The following KIF4A variants were observed in gnomAD, a reference collection of about 807,000 sequenced individuals.
The protein encoded by KIF4A is kinesin family member 4A.
KIF4A carries 7 observed loss-of-function variants against 105.9 expected under a neutral mutation model. The ratio of observed to expected loss-of-function variants is 0.07; its 90% CI spans 0.04 to 0.12. The LOEUF (loss-of-function observed/expected upper bound fraction) is 0.12. Among genes scored for constraint, KIF4A ranks in the 10% least tolerant of loss-of-function variants. The probability of loss-of-function intolerance (pLI) is 1.00; values close to 1 mark genes in which losing one functional copy is unlikely to be tolerated. For synonymous variants in KIF4A, 281 were observed against 331.3 expected (o/e 0.85, Z 1.65); for missense variants, 558 against 929.2 (o/e 0.60, Z 5.19).
intron 10 of KIF4A, among the ~76,000 whole-genome samples, chrX:70,336,682 TC>T (rs1360101369): frequency 1.4e-4 from 16 of 112,026 alleles, no homozygotes; most frequent in African/African-American, 5.2e-4. Flanking sequence ...CCATGTCTTT[TC>T]TCATTTTTCT....
intron 28 of KIF4A, among the ~76,000 whole-genome samples, chrX:70,416,169 G>A (rs753803868): frequency 8.8e-4 from 96 of 108,927 alleles, no homozygotes; most frequent in Non-Finnish European, 1.4e-3. Context: ...GCCCAGCCAG[G>A]ATGCATTATT....
At chrX:70,373,499 CATATATAT>C (rs201624539) in intron 15 of KIF4A, among the ~76,000 whole-genome samples, 1 of 49,687 alleles carries the variant, frequency 2.0e-5, no homozygotes, top group African/African-American at 6.1e-5. Context: ...ACCTGGGCAA[CATATATAT>C]ATACATGTGT....
In KIF4A at chrX:70,318,536, C is replaced by T. The variant is rs142130750; in HGVS notation, c.779-10869C>T. On this transcript the variant is annotated intron_variant, in intron 7 of 30. Transcript: ENST00000374403. ...TATAAGAATTTTCTAGGATATGTAC[C>T]TAGAAGTAGTATCACTGGGTTATAG... 1.2e-3 allele frequency among the ~76,000 whole-genome samples: 132 copies of T among 111,725 alleles called. 1 individual carries two copies. The highest frequency in any genetic ancestry group is 4.0e-3 in the African/African-American group (124 of 30,817).
At chrX:70,350,522 G>A (rs1371790137) in intron 13 of KIF4A, among the ~76,000 whole-genome samples, 2 of 108,825 alleles carry the variant, frequency 1.8e-5, no homozygotes. Context: ...GGAGGGGGAG[G>A]GGGAGAGGGA....
intron 18 of KIF4A, among the ~76,000 whole-genome samples, chrX:70,382,972 G>A (rs891147791): frequency 9.0e-6 from 1 of 110,623 alleles, no homozygotes; most frequent in African/African-American, 3.3e-5. Context: ...ATCACCTGAG[G>A]TCGGGAGTTC....
intron 16 of KIF4A, 107 bp downstream of exon 16, chrX:70,374,361 C>A: frequency 4.3e-6 from 2 of 462,780 alleles, no homozygotes; most frequent in Non-Finnish European, 7.1e-6. Flanking sequence ...AAGATTTAAA[C>A]CTAATTATGA....
At chrX:70,366,767 C>T (rs1309533066) in intron 15 of KIF4A, among the ~76,000 whole-genome samples, 16 of 111,246 alleles carry the variant, frequency 1.4e-4, no homozygotes, top group Admixed American at 4.8e-4. Flanking sequence ...CTATTAGGTC[C>T]GCTTGGTGCA....
intron 3 of KIF4A, 119 bp from the exon 4 acceptor site, chrX:70,296,879 G>A: frequency 2.5e-6 from 2 of 787,280 alleles, no homozygotes; most frequent in African/African-American, 2.1e-5. Flanking sequence ...CCATTCTTAA[G>A]AGACTGTATT....
intron 7 of KIF4A, among the ~76,000 whole-genome samples, chrX:70,314,426 T>C (rs924215034): frequency 2.7e-5 from 3 of 112,098 alleles, no homozygotes; most frequent in Admixed American, 9.5e-5. Flanking sequence ...AGAATCATAG[T>C]TGAGTCCTAC....
At chrX:70,340,943 C>A (rs1289547178) in intron 10 of KIF4A, among the ~76,000 whole-genome samples, 1 of 111,106 alleles carries the variant, frequency 9.0e-6, no homozygotes, top group Non-Finnish European at 1.9e-5. Flanking sequence ...ACATTTCATC[C>A]CAGTGGATTA....
chrX:70,400,488 T>A (rs998740937), intron 22 of KIF4A, among the ~76,000 whole-genome samples: 30 of 111,626 alleles, frequency 2.7e-4, no homozygotes, highest in Admixed American at 4.8e-4. Context: ...TAGTGTAGTC[T>A]CAAAGAAGAC....
At chrX:70,332,981 G>T (rs1347269205) in intron 9 of KIF4A, among the ~76,000 whole-genome samples, 1 of 111,263 alleles carries the variant, frequency 9.0e-6, no homozygotes, top group East Asian at 2.8e-4. Context: ...TGAGAGTAGG[G>T]GTCATATTTT....
chrX:70,360,966 A>G (rs1261575993), intron 15 of KIF4A, among the ~76,000 whole-genome samples: 1 of 112,627 alleles, frequency 8.9e-6, no homozygotes, highest in Admixed American at 9.3e-5. Flanking sequence ...AGGGCTCCCC[A>G]TTTGCCCCTA....
intron 7 of KIF4A, among the ~76,000 whole-genome samples, chrX:70,317,945 T>C (rs1212202019): frequency 9.2e-6 from 1 of 108,256 alleles, no homozygotes; most frequent in Non-Finnish European, 1.9e-5. Context: ...TGGCGTGATG[T>C]TGGGTCACTG....
At chrX:70,325,679 C>T (rs767344278) in intron 7 of KIF4A, among the ~76,000 whole-genome samples, 1 of 109,853 alleles carries the variant, frequency 9.1e-6, no homozygotes, top group East Asian at 2.8e-4. Flanking sequence ...GTAGTGTGCC[C>T]GTCACCTGAG....
chrX:70,417,146 C>T (rs1189602641), intron 28 of KIF4A, among the ~76,000 whole-genome samples: 9 of 112,754 alleles, frequency 8.0e-5, no homozygotes, highest in African/African-American at 2.6e-4. Flanking sequence ...GAGTCTTTGT[C>T]GGTTGCCTTG....
chrX:70,342,358 T>C (rs1307541161), intron 11 of KIF4A, among the ~76,000 whole-genome samples: 1 of 112,172 alleles, frequency 8.9e-6, no homozygotes, highest in African/African-American at 3.2e-5. Flanking sequence ...ACAGCTGCCA[T>C]GGTGAGATAC....
intron 3 of KIF4A, among the ~76,000 whole-genome samples, chrX:70,294,683 T>A (rs1391501481): frequency 8.9e-6 from 1 of 112,949 alleles, no homozygotes; most frequent in Non-Finnish European, 1.9e-5. Context: ...AAAGTAAGAA[T>A]AACCTGTCTA....
chrX:70,326,525 T>C (rs769108063), intron 7 of KIF4A, among the ~76,000 whole-genome samples: 2 of 112,386 alleles, frequency 1.8e-5, no homozygotes, highest in African/African-American at 6.5e-5. Context: ...TGTGCCTCCA[T>C]GATAGCTGTG....
Sources: allele counts gnomAD v4.1 joint callset (sites outside exome capture counted in the v4.1 genomes callset), GRCh38; gene constraint gnomAD v4.1.1; transcripts MANE v1.5; gene names NCBI Gene and HGNC (gene_info 2026-07-23, HGNC 2026-07-21).